The following PMPCB variants were observed in gnomAD, a reference collection of about 807,000 sequenced individuals.
The protein encoded by PMPCB is peptidase, mitochondrial processing subunit beta.
A neutral mutation model predicts 61.5 loss-of-function variants in PMPCB; 46 were observed. That is an observed-to-expected ratio of 0.75 (90% confidence interval 0.59 to 0.96). The LOEUF (loss-of-function observed/expected upper bound fraction) is 0.96, where lower values mean the gene tolerates loss of function less well. Ranked by LOEUF, PMPCB falls within the 40% of genes least tolerant of loss-of-function variation. PMPCB has a pLI of 0.00. For synonymous variants in PMPCB, 191 were observed against 201.6 expected, an observed-to-expected ratio of 0.95 and a Z score of 0.44; for missense variants, 590 against 602.4, an observed-to-expected ratio of 0.98 and a Z score of 0.22.
intron 12 of PMPCB, among the ~76,000 whole-genome samples, chr7:103,322,243 TC>T (rs1422834482): frequency 1.3e-5 from 2 of 152,160 alleles, no homozygotes; most frequent in African/African-American, 4.8e-5. Flanking sequence ...CTGGTAAAGA[TC>T]TATAAACATT....
chr7:103,339,623 T>TG, the PMPCB span, among the ~76,000 whole-genome samples: 6 of 151,842 alleles, frequency 4.0e-5, no homozygotes, highest in Admixed American at 3.9e-4. Context: ...TTTTTTGAGA[T>TG]GGAGTTTCAC....
chr7:103,312,245 A>C lies in PMPCB; in HGVS notation c.1444A>C (p.Ser482Arg), dbSNP rs751600675. The C allele has an allele frequency of 8.7e-6, 14 of 1,612,516 alleles. No individual in the cohort carries two copies. In the South Asian group the frequency reaches 1.5e-4, roughly 18 times the overall value. ...ACTACCAGATTTTAAACAGATACGCAGTAACATGTGTTGGCTTCGTGATTA... is the reference window on the plus strand; with the variant it reads ...ACTACCAGATTTTAAACAGATACGCCGTAACATGTGTTGGCTTCGTGATTA... ...KQLPDFKQIRSNMCWLRD is the reference protein window; with the variant it reads ...KQLPDFKQIRRNMCWLRD Residue 482 changes from serine to arginine, a missense_variant, in exon 13 of 13, where the codon AGT becomes CGT. Ser to Arg is a moderately radical substitution (Grantham distance 110). Transcript: ENST00000249269.
At chr7:103,315,989 A>C, downstream of PMPCB, 3 of 1,589,704 alleles carry the variant, frequency 1.9e-6, no homozygotes, top group Non-Finnish European at 2.6e-6. Context: ...AAAACTCACC[A>C]AGTTTTTGGA....
At chr7:103,322,163 TAATA>T in intron 12 of PMPCB, 1 of 1,055,628 alleles carries the variant, frequency 9.5e-7, no homozygotes, top group East Asian at 2.8e-5. Context: ...TTTAAACTTT[TAATA>T]AATTATATTA....
At chr7:103,337,704 ATT>A in the PMPCB span, 1 of 1,539,062 alleles carries the variant, frequency 6.5e-7, no homozygotes, top group South Asian at 1.1e-5. Context: ...TATACAAGAT[ATT>A]TGATTATTTC....
chr7:103,320,216 G>A (rs1818307992), intron 12 of PMPCB, among the ~76,000 whole-genome samples: 1 of 151,960 alleles, frequency 6.6e-6, no homozygotes, highest in Non-Finnish European at 1.5e-5. Context: ...AGTCTCCTGA[G>A]TAGCTGGAAT....
the PMPCB span, among the ~76,000 whole-genome samples, chr7:103,338,584 C>A: frequency 6.6e-6 from 1 of 151,756 alleles, no homozygotes; most frequent in Non-Finnish European, 1.5e-5. Context: ...CAGGTGTGAG[C>A]CACTGCACCC....
In PMPCB at chr7:103,307,692, A is replaced by G. The variant is rs1409851271; in HGVS notation, c.833A>G (p.Lys278Arg). The change falls in exon 7 of 13, where the codon AAA becomes AGA. Residue 278 changes from lysine to arginine, a missense_variant. Coordinates refer to ENST00000249269, the MANE Select transcript of PMPCB (RefSeq NM_004279.3). ...KGEIPALPPCKFTGSEIRVRD... is the reference protein window; with the variant it reads ...KGEIPALPPCRFTGSEIRVRD... ...GAAATACCAGCTCTGCCTCCCTGCAAATTCACAGGAAGTGAGGTAGGGCAA... is the reference window on the plus strand; with the variant it reads ...GAAATACCAGCTCTGCCTCCCTGCAGATTCACAGGAAGTGAGGTAGGGCAA... The G allele has an allele frequency of 1.2e-6, 2 of 1,604,376 alleles. No individual in the cohort carries two copies. Among genetic ancestry groups the G allele is most frequent in the Non-Finnish European group, 1.7e-6 (2 of 1,171,172 alleles).
the PMPCB span, among the ~76,000 whole-genome samples, chr7:103,343,366 C>G: frequency 6.6e-6 from 1 of 152,142 alleles, no homozygotes; most frequent in East Asian, 1.9e-4. Flanking sequence ...AATTCACTAA[C>G]AAGAATTTGT....
rs374876597 is a variant in PMPCB, at chr7:103,297,474, G to C, written c.15G>C (p.Ala5=). ...TTCTAGCAGAAATGGCGGCTGCGGC[G>C]GCTCGAGTGGTGTTGTCATCCGCGG... MAAA[A]ARVVLSSAAR... Residue 5 remains alanine (A), a synonymous_variant, in exon 1 of 13, where the codon GCG becomes GCC. Coordinates refer to ENST00000249269, the MANE Select transcript of PMPCB (RefSeq NM_004279.3). The C allele has an allele frequency of 3.2e-6, 5 of 1,543,034 alleles. No homozygotes were observed. In the African/African-American group the frequency reaches 6.9e-5, roughly 21 times the overall value.
At chr7:103,344,669 G>T in the PMPCB span, 1 of 1,593,284 alleles carries the variant, frequency 6.3e-7, no homozygotes, top group Non-Finnish European at 8.5e-7. Flanking sequence ...CACGTCCCGG[G>T]CGGAGGGCGC....
chr7:103,322,888 A>C, intron 12 of PMPCB: 6 of 974,400 alleles, frequency 6.2e-6, no homozygotes, highest in Non-Finnish European at 9.1e-6. Flanking sequence ...TGTACATAAC[A>C]TCCTAGAGGT....
At chr7:103,319,701 T>C in intron 12 of PMPCB, 1 of 1,613,856 alleles carries the variant, frequency 6.2e-7, no homozygotes, top group Non-Finnish European at 8.5e-7. Flanking sequence ...AAAGAAGAAA[T>C]GAAACTTTAT....
intron 9 of PMPCB, chr7:103,311,112 G>A (rs1001846768): frequency 2.6e-5 from 4 of 152,578 alleles, no homozygotes; most frequent in Non-Finnish European, 5.9e-5. Context: ...TAAATCTGAA[G>A]TTGCCACTGC....
At chr7:103,339,515 C>G in the PMPCB span, among the ~76,000 whole-genome samples, 1 of 152,106 alleles carries the variant, frequency 6.6e-6, no homozygotes, top group Non-Finnish European at 1.5e-5. Flanking sequence ...AATCACTCTT[C>G]ATTCACTGTA....
At chr7:103,322,016 C>T (rs758507524) in intron 12 of PMPCB, 5 of 1,613,866 alleles carry the variant, frequency 3.1e-6, no homozygotes, top group Non-Finnish European at 4.2e-6. Flanking sequence ...GCAATGCTTG[C>T]TGTCTGACTT....
Position 103,312,611 on chromosome 7 carries a change from A to G in PMPCB, c.*340A>G. ...TTGCATTCAGCACTTGTTCTTGAGC[A>G]GCTTTCTTTGCTTTTACCATCTCGA... On this transcript the variant is annotated 3_prime_UTR_variant, in exon 13 of 13. Coordinates refer to ENST00000249269, the MANE Select transcript of PMPCB (RefSeq NM_004279.3). The G allele has an allele frequency of 1.2e-6, 2 of 1,613,746 alleles. No homozygotes were observed. The highest frequency in any genetic ancestry group is 1.7e-6 in the Non-Finnish European group (2 of 1,179,852).
downstream of PMPCB, among the ~76,000 whole-genome samples, chr7:103,318,462 G>A (rs1818195981): frequency 1.3e-5 from 2 of 152,068 alleles, no homozygotes; most frequent in East Asian, 3.9e-4. Context: ...TTTCAGGCTG[G>A]TTCAAACTAC....
intron 6 of PMPCB, among the ~76,000 whole-genome samples, chr7:103,305,885 GTCC>G (rs1162772365): frequency 6.6e-6 from 1 of 152,162 alleles, no homozygotes; most frequent in Admixed American, 6.5e-5. Context: ...TGTTAGATGG[GTCC>G]TCAACAACCA....
Sources: allele counts gnomAD v4.1 joint callset (sites outside exome capture counted in the v4.1 genomes callset), GRCh38; gene constraint gnomAD v4.1.1; transcripts MANE v1.5; gene names NCBI Gene and HGNC (gene_info 2026-07-23, HGNC 2026-07-21).